The following GATAD1 variants were observed in gnomAD, a reference collection of about 807,000 sequenced individuals.
GATAD1 encodes GATA zinc finger domain-containing protein 1.
A neutral mutation model predicts 26.5 loss-of-function variants in GATAD1; 12 were observed. That is an observed-to-expected ratio of 0.45 (90% CI 0.29 to 0.73). The LOEUF (loss-of-function observed/expected upper bound fraction) is 0.73, where lower values mean the gene tolerates loss of function less well. GATAD1 is among the 30% of genes least tolerant of loss of function. The pLI, the probability that GATAD1 is intolerant of heterozygous loss-of-function variation, is 0.10. For missense variants in GATAD1, 266 were observed against 342.1 expected (o/e 0.78, Z 1.75); for synonymous variants, 129 against 133.1 (o/e 0.97, Z 0.21).
chr7:92,469,894 C>A, the GATAD1 span: 3 of 778,574 alleles, frequency 3.9e-6, no homozygotes, highest in Admixed American at 3.4e-5. Context: ...GCTTACCAGG[C>A]GAGTATGGGT....
chr7:92,448,488 C>T (rs1217896881), intron 1 of GATAD1, among the ~76,000 whole-genome samples: 1 of 152,178 alleles, frequency 6.6e-6, no homozygotes, highest in African/African-American at 2.4e-5. Flanking sequence ...ACTCCCGCCT[C>T]CTGCCCTATT....
the GATAD1 span, chr7:92,471,660 T>C: frequency 6.6e-6 from 1 of 152,202 alleles, no homozygotes; most frequent in South Asian, 2.1e-4. Flanking sequence ...GGCTTCAATA[T>C]CTGCTTGGCA....
intron 3 of GATAD1, among the ~76,000 whole-genome samples, chr7:92,451,875 A>G (rs1789447412): frequency 6.6e-6 from 1 of 152,250 alleles, no homozygotes. Flanking sequence ...GTCCAAGATC[A>G]CATAGCCAAC....
At chr7:92,463,670 A>G (rs1203679980), downstream of GATAD1, among the ~76,000 whole-genome samples, 2 of 151,256 alleles carry the variant, frequency 1.3e-5, no homozygotes, top group South Asian at 2.1e-4. Flanking sequence ...CTCAAAAAAA[A>G]AAAAAAAAAG....
the GATAD1 span, among the ~76,000 whole-genome samples, chr7:92,465,962 C>A: frequency 6.6e-6 from 1 of 151,954 alleles, no homozygotes; most frequent in Non-Finnish European, 1.5e-5. Context: ...AAGATCGCAC[C>A]GTTGTACTCC....
At chr7:92,483,266 G>A in the GATAD1 span, among the ~76,000 whole-genome samples, 2 of 152,226 alleles carry the variant, frequency 1.3e-5, no homozygotes, top group African/African-American at 2.4e-5. Context: ...GATCCTGGGG[G>A]AGGTGGTCCT....
the GATAD1 span, among the ~76,000 whole-genome samples, chr7:92,485,268 C>G: frequency 2.0e-5 from 3 of 152,142 alleles, no homozygotes; most frequent in Non-Finnish European, 2.9e-5. Context: ...GGCTCAGAGG[C>G]CTGACAGTCG....
the GATAD1 span, among the ~76,000 whole-genome samples, chr7:92,465,638 G>A: frequency 6.6e-6 from 1 of 151,364 alleles, no homozygotes; most frequent in Non-Finnish European, 1.5e-5. Flanking sequence ...AAGAAAAAAA[G>A]CAATCACTAA....
the GATAD1 span, among the ~76,000 whole-genome samples, chr7:92,483,242 G>A: frequency 2.0e-5 from 3 of 152,194 alleles, no homozygotes; most frequent in Non-Finnish European, 2.9e-5. Flanking sequence ...TCAGATTTCC[G>A]GCACTTGAAG....
At chr7:92,460,197 A>G (rs942774653), downstream of GATAD1, among the ~76,000 whole-genome samples, 2 of 152,156 alleles carry the variant, frequency 1.3e-5, no homozygotes, top group Admixed American at 6.5e-5. Flanking sequence ...TTTGCTTTAT[A>G]CACATGCATG....
chr7:92,481,590 C>T, the GATAD1 span, among the ~76,000 whole-genome samples: 1 of 152,146 alleles, frequency 6.6e-6, no homozygotes, highest in African/African-American at 2.4e-5. Flanking sequence ...AGAATTCCGA[C>T]TGCACAGCCC....
chr7:92,483,707 C>T, the GATAD1 span, among the ~76,000 whole-genome samples: 4 of 152,326 alleles, frequency 2.6e-5, no homozygotes, highest in Non-Finnish European at 5.9e-5. Flanking sequence ...ATGCCTTTAG[C>T]TCCAGCCACC....
At chr7:92,490,601 CTCTAGTCTGGATGA>C in the GATAD1 span, among the ~76,000 whole-genome samples, 4 of 130,968 alleles carry the variant, frequency 3.1e-5, no homozygotes, top group Non-Finnish European at 6.2e-5. Flanking sequence ...TGCCACTGCA[CTCTAGTCTGGATGA>C]TAGAGTGAGA....
the GATAD1 span, chr7:92,493,965 C>CA: frequency 3.3e-6 from 1 of 299,870 alleles, no homozygotes; most frequent in African/African-American, 2.2e-5. Flanking sequence ...GATTCTGTAT[C>CA]AGAGTTTTTT....
the GATAD1 span, among the ~76,000 whole-genome samples, chr7:92,473,703 G>T: frequency 6.6e-6 from 1 of 151,816 alleles, no homozygotes; most frequent in African/African-American, 2.4e-5. Context: ...TCTAGTGACT[G>T]CCCGTCTTAG....
At chr7:92,448,933 A>G in intron 2 of GATAD1, 56 bp downstream of exon 2, 1 of 1,535,252 alleles carries the variant, frequency 6.5e-7, no homozygotes, top group Non-Finnish European at 9.0e-7. Flanking sequence ...GTATCCTGCC[A>G]CTGCCTTCAT....
the GATAD1 span, chr7:92,489,940 TGGAA>T: frequency 1.3e-6 from 2 of 1,571,352 alleles, no homozygotes; most frequent in Non-Finnish European, 1.8e-6. Flanking sequence ...TAATGAAAGA[TGGAA>T]GGAAGAGGGG....
At chr7:92,484,615 G>T in the GATAD1 span, among the ~76,000 whole-genome samples, 7 of 152,204 alleles carry the variant, frequency 4.6e-5, no homozygotes, top group Non-Finnish European at 7.3e-5. Context: ...GGAATTGGAA[G>T]GACAGGGAGA....
the GATAD1 span, chr7:92,491,247 G>C: frequency 7.1e-7 from 1 of 1,412,824 alleles, no homozygotes; most frequent in Non-Finnish European, 1.0e-6. Flanking sequence ...TTTCAGAACT[G>C]TATAATGATG....
Sources: gnomAD v4.1 joint callset for allele counts (sites outside exome capture counted in the v4.1 genomes callset) on GRCh38, gnomAD v4.1.1 for gene constraint, MANE v1.5 for transcripts, NCBI Gene and HGNC (gene_info 2026-07-23, HGNC 2026-07-21) for gene names.